Variants in PLCG1 observed in about 807,000 individuals in gnomAD.
PLCG1 encodes 1-phosphatidylinositol 4,5-bisphosphate phosphodiesterase gamma-1.
A neutral mutation model predicts 177.8 loss-of-function variants in PLCG1; 71 were observed. The ratio of observed to expected loss-of-function variants is 0.40; its 90% CI spans 0.33 to 0.49. The LOEUF (loss-of-function observed/expected upper bound fraction) is 0.49, where lower values mean the gene tolerates loss of function less well. Among genes scored for constraint, PLCG1 ranks in the 20% least tolerant of loss-of-function variants. The probability of loss-of-function intolerance (pLI) is 0.72; values close to 1 mark genes in which losing one functional copy is unlikely to be tolerated. For missense variants in PLCG1, 1,281 were observed against 1,709.0 expected, an observed-to-expected ratio of 0.75 and a Z score of 4.42; for synonymous variants, 658 against 647.9, an observed-to-expected ratio of 1.02 and a Z score of -0.24.
chr20:41,170,176 C>T lies in PLCG1; in HGVS notation c.2715C>T (p.Ala905=). Residue 905 remains alanine (A), a synonymous_variant, in exon 24 of 32, where the codon GCC becomes GCT. Transcript: ENST00000685551. ...FVFSISMASV[A]HWSLDVAADS... ...TCTCCATCAGCATGGCGTCGGTGGC[C>T]CACTGGTCCCTGGATGTTGCTGCCG... 2.5e-6 allele frequency: 4 copies of T among 1,614,088 alleles called. No homozygotes were observed. The highest frequency in any genetic ancestry group is 3.4e-6 in the Non-Finnish European group (4 of 1,179,976).
At position 41,175,174 on chromosome 20, in the gene PLCG1, A is replaced by C. The variant is rs2036024045; in HGVS notation, c.*665A>C. On this transcript the variant is annotated 3_prime_UTR_variant, in exon 32 of 32. Coordinates refer to ENST00000685551, the MANE Select transcript of PLCG1 (RefSeq NM_002660.3). Reference sequence around the variant, plus strand: ...TATTTTTCGTCTCAATGGTATTGTAACTAAGTTATTTACTCCTCCTGCTCC... The same window carrying C: ...TATTTTTCGTCTCAATGGTATTGTACCTAAGTTATTTACTCCTCCTGCTCC... 1 of 152,686 alleles carries C rather than the reference A, an allele frequency of 6.5e-6. No individual in the cohort carries two copies. Among genetic ancestry groups the C allele is most frequent in the Non-Finnish European group, 1.5e-5 (1 of 68,132 alleles). 9.5% of individuals were successfully genotyped at this position (152,686 alleles called of 1,614,324 possible).
chr20:41,170,185 C>G lies in PLCG1; in HGVS notation c.2724C>G (p.Ser908=), dbSNP rs377567645. 14 of 1,614,108 alleles carry G rather than the reference C, an allele frequency of 8.7e-6. No individual in the cohort carries two copies. The highest frequency in any genetic ancestry group is 1.2e-5 in the Non-Finnish European group (14 of 1,180,000). Residue 908 remains serine (S), a synonymous_variant, in exon 24 of 32, where the codon TCC becomes TCG. Transcript: ENST00000685551. The stretch of plus-strand genomic sequence containing the variant: ...GCATGGCGTCGGTGGCCCACTGGTC[C>G]CTGGATGTTGCTGCCGACTCACAGG... ...SISMASVAHW[S]LDVAADSQEE... is the part of the protein sequence containing the mutation.
At position 41,165,755 on chromosome 20, in the gene PLCG1, C is replaced by T. The variant is rs775588772; in HGVS notation, c.1728C>T (p.Thr576=). Residue 576 remains threonine (T), a synonymous_variant, in exon 16 of 32, where the codon ACC becomes ACT. Transcript: ENST00000685551. The surrounding 1 kb of genome is among the most constrained non-coding windows in gnomAD (Gnocchi z 6.6). The part of the protein sequence containing the change: ...ERLLTEYCIE[T]GAPDGSFLVR... ...TGCTTACTGAGTACTGCATCGAGACCGGAGCCCCTGACGGCTCCTTCCTCG... is the reference window on the plus strand; with the variant it reads ...TGCTTACTGAGTACTGCATCGAGACTGGAGCCCCTGACGGCTCCTTCCTCG... 27 of 1,611,446 alleles carry T rather than the reference C, an allele frequency of 1.7e-5. No homozygotes were observed. In the East Asian group the frequency reaches 2.0e-4, roughly 12 times the overall value.
Position 41,153,572 on chromosome 20 carries a change from G to A in PLCG1, c.218-6034G>A, listed in dbSNP as rs1481966794. On this transcript the variant is annotated intron_variant, in intron 1 of 31. Coordinates refer to ENST00000685551, the MANE Select transcript of PLCG1 (RefSeq NM_002660.3). This position sits in a 1 kb window ranked among gnomAD's most constrained non-coding sequence, Gnocchi z 5.1. The stretch of plus-strand genomic sequence containing the variant: ...CCTCAGCCTTCTAAAGTGAGCGTAT[G>A]CACTTTATAAAGGGAAAACCCTCTC... Among the ~76,000 whole-genome samples, 3 of 152,152 alleles carry A rather than the reference G, an allele frequency of 2.0e-5. No homozygotes were observed. The highest frequency in any genetic ancestry group is 4.8e-5 in the African/African-American group (2 of 41,422).
intron 6 of PLCG1, 90 bp downstream of exon 6, chr20:41,162,815 T>C: frequency 7.4e-7 from 1 of 1,359,378 alleles, no homozygotes; most frequent in Middle Eastern, 1.9e-4. Context: ...GCTGCCCTGC[T>C]TAGGGGCTTT....
Position 41,174,409 on chromosome 20 carries a change from C to G in PLCG1, c.3834-58C>G. ...CTGGGTAGAAAAGTTGTAATATTGT[C>G]TGGCATTGGGCTGCAAGGCCCTGCC... On this transcript the variant is annotated intron_variant, in intron 31 of 31. Transcript: ENST00000685551. This position sits in a 1 kb window ranked among gnomAD's most constrained non-coding sequence, Gnocchi z 5.8. 1.3e-6 allele frequency: 2 copies of G among 1,596,492 alleles called. No individual in the cohort carries two copies. Among genetic ancestry groups the G allele is most frequent in the South Asian group, 1.1e-5 (1 of 89,626 alleles).
rs533323579 is a variant in PLCG1, at chr20:41,156,973, A to G, written c.218-2633A>G. ...GAAGGGTGAGGTTGGGAGGTAGCAC[A>G]GGATGTGGCTTTCAAGAACCTAGTA... On this transcript the variant is annotated intron_variant, in intron 1 of 31. Transcript: ENST00000685551. This position sits in a 1 kb window ranked among gnomAD's most constrained non-coding sequence, Gnocchi z 5.0. Among the ~76,000 whole-genome samples, 2 of 152,356 alleles carry G rather than the reference A, an allele frequency of 1.3e-5. No homozygotes were observed. The highest frequency in any genetic ancestry group is 4.8e-5 in the African/African-American group (2 of 41,586).
rs2036068294 is a variant in PLCG1, at chr20:41,176,501, A to G, written c.*1992A>G. The G allele has an allele frequency of 6.6e-6, 1 of 152,208 alleles. No individual in the cohort carries two copies. Among genetic ancestry groups the G allele is most frequent in the South Asian group, 2.1e-4 (1 of 4,836 alleles). 9.4% of individuals were successfully genotyped at this position (152,208 alleles called of 1,614,324 possible). On this transcript the variant is annotated 3_prime_UTR_variant, in exon 32 of 32. Transcript: ENST00000685551. ...CTGTTAGGGCCCATCCACGTTGGTT[A>G]GGACGTCCTTGGCGTGTTTGTTAGT... is the stretch of plus-strand genomic sequence containing the variant.
intron 1 of PLCG1, among the ~76,000 whole-genome samples, chr20:41,143,123 G>A (rs1305240328): frequency 6.6e-6 from 1 of 152,218 alleles, no homozygotes; most frequent in Non-Finnish European, 1.5e-5. Context: ...GTAGAGTGAA[G>A]GTATGATATT....
At chr20:41,169,311 C>A in intron 22 of PLCG1, 136 bp downstream of exon 22, 1 of 915,502 alleles carries the variant, frequency 1.1e-6, no homozygotes, top group Non-Finnish European at 1.8e-6. Context: ...GCCCATGTGG[C>A]CATGCACGTA....
In PLCG1 at chr20:41,168,775, C is replaced by A; in HGVS notation, c.2388C>A (p.Val796=). The change falls in exon 21 of 32, where the codon GTC becomes GTA. Residue 796 remains valine, a synonymous_variant. Coordinates refer to ENST00000685551, the MANE Select transcript of PLCG1 (RefSeq NM_002660.3). ...ANPMPTFKCA[V]KALFDYKAQR... ...GCTTCTCACCTCTGCAGTGTGCAGT[C>A]AAAGCCCTCTTTGACTACAAGGCCC... 1.2e-6 allele frequency: 2 copies of A among 1,606,778 alleles called. No individual in the cohort carries two copies. The highest frequency in any genetic ancestry group is 1.1e-5 in the South Asian group (1 of 90,654).
chr20:41,140,577 CCTT>C (rs1401418368), intron 1 of PLCG1, among the ~76,000 whole-genome samples: 1 of 152,160 alleles, frequency 6.6e-6, no homozygotes, highest in Non-Finnish European at 1.5e-5. Flanking sequence ...ATATGTAAGA[CCTT>C]CTTCTGCCCT....
Position 41,172,282 on chromosome 20 carries a change from T to A in PLCG1, c.2898T>A (p.Asp966Glu). 6.2e-7 allele frequency: 1 copy of A among 1,613,140 alleles called. No homozygotes were observed. Among genetic ancestry groups the A allele is most frequent in the Non-Finnish European group, 8.5e-7 (1 of 1,179,090 alleles). The change falls in exon 25 of 32, where the codon GAT becomes GAA. Residue 966 changes from aspartate to glutamate, a missense_variant. Physicochemically the swap from Asp to Glu is conservative, Grantham distance 45. This residue lies in a region of PLCG1 where 723 missense variants were observed against 1,030.0 expected (regional missense o/e 0.70). Coordinates refer to ENST00000685551, the MANE Select transcript of PLCG1 (RefSeq NM_002660.3). The surrounding 1 kb of genome is among the most constrained non-coding windows in gnomAD (Gnocchi z 7.0). ...LVVYCRPVPF[D>E]EEKIGTERAC... Reference sequence around the variant, plus strand: ...TCTACTGCCGGCCTGTTCCCTTTGATGAAGAGAGTAAGGGCCAGGGCCCAG... The same window carrying A: ...TCTACTGCCGGCCTGTTCCCTTTGAAGAAGAGAGTAAGGGCCAGGGCCCAG...
chr20:41,145,268 C>T (rs957813169), intron 1 of PLCG1, among the ~76,000 whole-genome samples: 2 of 152,168 alleles, frequency 1.3e-5, no homozygotes, highest in Admixed American at 1.3e-4. Context: ...AGAACCTGAA[C>T]ACCCTGGGCA....
rs33917926 is a variant in PLCG1 at position 41,174,174 on chromosome 20, G to A, written c.3696G>A (p.Arg1232=). ...SPFSGTSLRE[R]GSDASGQLFH... ...TCAGTGGTACGTCCCTGCGGGAGCG[G>A]GGCTCAGATGCCTCAGGCCAGCTGT... The change falls in exon 31 of 32, where the codon CGG becomes CGA. Residue 1232 remains arginine (R), a synonymous_variant. Coordinates refer to ENST00000685551, the MANE Select transcript of PLCG1 (RefSeq NM_002660.3). This position sits in a 1 kb window ranked among gnomAD's most constrained non-coding sequence, Gnocchi z 5.8. The A allele has an allele frequency of 6.2e-7, 1 of 1,614,130 alleles. No individual in the cohort carries two copies. Among genetic ancestry groups the A allele is most frequent in the Non-Finnish European group, 8.5e-7 (1 of 1,180,008 alleles).
At chr20:41,138,644 A>G (rs925028487) in intron 1 of PLCG1, among the ~76,000 whole-genome samples, 1 of 152,028 alleles carries the variant, frequency 6.6e-6, no homozygotes, top group South Asian at 2.1e-4. Context: ...GGAGTCAGGT[A>G]TTCTTCTCAG....
intron 1 of PLCG1, among the ~76,000 whole-genome samples, chr20:41,139,165 C>T (rs923659373): frequency 3.3e-5 from 5 of 152,206 alleles, no homozygotes; most frequent in African/African-American, 7.2e-5. Flanking sequence ...AACTCCAGAT[C>T]TGACACAGAT....
chr20:41,146,056 G>A lies in PLCG1; in HGVS notation c.217+8198G>A, dbSNP rs1328461709. Among the ~76,000 whole-genome samples, 1 of 152,196 alleles carries A rather than the reference G, an allele frequency of 6.6e-6. No homozygotes were observed. On this transcript the variant is annotated intron_variant, in intron 1 of 31. Transcript: ENST00000685551. This position sits in a 1 kb window ranked among gnomAD's most constrained non-coding sequence, Gnocchi z 6.3. ...GTCCACATGTAGGCTTTGTGTATAG[G>A]CTCTGCTGCTTCCTTCCGGCCCTGG...
In PLCG1 at chr20:41,156,411, C is replaced by T. The variant is rs1445735042; in HGVS notation, c.218-3195C>T. Among the ~76,000 whole-genome samples, 1 of 152,144 alleles carries T rather than the reference C, an allele frequency of 6.6e-6. No homozygotes were observed. The highest frequency in any genetic ancestry group is 1.9e-4 in the East Asian group (1 of 5,182). On this transcript the variant is annotated intron_variant, in intron 1 of 31. Coordinates refer to ENST00000685551, the MANE Select transcript of PLCG1 (RefSeq NM_002660.3). The surrounding 1 kb of genome is among the most constrained non-coding windows in gnomAD (Gnocchi z 5.0). ...CTGGGCAGAATGAATATGCTGCAGC[C>T]CTGATGGGCTGTGCTGGCTGGGCTT...
Sources: allele counts gnomAD v4.1 joint callset (sites outside exome capture counted in the v4.1 genomes callset), GRCh38; gene constraint gnomAD v4.1.1; regional missense constraint gnomAD v4.1.1; non-coding constraint Gnocchi (gnomAD v3.1); transcripts MANE v1.5; gene names NCBI Gene and HGNC (gene_info 2026-07-23, HGNC 2026-07-21).